The following ZNF451 variants were observed in gnomAD, a reference collection of about 807,000 sequenced individuals.
The protein encoded by ZNF451 is E3 SUMO-protein ligase ZNF451.
ZNF451 carries 80 observed loss-of-function variants against 107.1 expected under a neutral mutation model. That is an observed-to-expected ratio of 0.75 (90% CI 0.62 to 0.90). ZNF451 has a LOEUF of 0.90. ZNF451 is among the 40% of genes least tolerant of loss of function. The probability of loss-of-function intolerance (pLI) is 0.00; values close to 1 mark genes in which losing one functional copy is unlikely to be tolerated. For synonymous variants in ZNF451, 362 were observed against 406.5 expected (o/e 0.89, Z 1.32); for missense variants, 1,107 against 1,236.2 (o/e 0.90, Z 1.57).
At chr6:57,106,799 A>G (rs753485840) in intron 3 of ZNF451, 6 of 985,178 alleles carry the variant, frequency 6.1e-6, no homozygotes, top group African/African-American at 1.7e-5. Context: ...GTGGTTTATC[A>G]TAGTAGATAC....
chr6:57,155,792 C>T (rs2127984724), intron 13 of ZNF451, among the ~76,000 whole-genome samples: 1 of 150,082 alleles, frequency 6.7e-6, no homozygotes, highest in African/African-American at 2.4e-5. Flanking sequence ...TATGCCCTTC[C>T]AAATGACTCT....
intron 6 of ZNF451, 94 bp downstream of exon 6, chr6:57,133,286 G>T: frequency 2.4e-6 from 3 of 1,257,000 alleles, no homozygotes; most frequent in Non-Finnish European, 2.2e-6. Context: ...TTGCCATTAT[G>T]ATTATATAGC....
intron 13 of ZNF451, 76 bp downstream of exon 13, chr6:57,154,123 G>A (rs776187401): frequency 1.4e-6 from 2 of 1,410,274 alleles, no homozygotes; most frequent in East Asian, 4.6e-5. Context: ...ATAAACTGCT[G>A]TCCGCTAGTG....
chr6:57,138,180 G>C (rs1001091242), intron 7 of ZNF451, among the ~76,000 whole-genome samples: 5 of 151,750 alleles, frequency 3.3e-5, no homozygotes, highest in Non-Finnish European at 2.9e-5. Flanking sequence ...CTAGTGCACT[G>C]CACCATTTTA....
intron 3 of ZNF451, chr6:57,109,186 C>T (rs1353411746): frequency 5.1e-6 from 5 of 985,174 alleles, no homozygotes; most frequent in Admixed American, 1.2e-4. Flanking sequence ...ATTCTTGATT[C>T]GTAGTCATTG....
chr6:57,109,131 A>G lies in ZNF451; in HGVS notation c.186+9990A>G, dbSNP rs114006592. 136 of 985,370 alleles carry G rather than the reference A, an allele frequency of 1.4e-4. No individual in the cohort carries two copies. In the African/African-American group the frequency reaches 1.7e-3, roughly 13 times the overall value. 61.0% of individuals were successfully genotyped at this position (985,370 alleles called of 1,614,324 possible). ...TTTCACTTGTCACATCAGGAACCCT[A>G]TCCTCTTAGTTCTCCCATTGAGATT... is the stretch of plus-strand genomic sequence containing the variant. On this transcript the variant is annotated intron_variant, in intron 3 of 14. Transcript: ENST00000370706.
chr6:57,105,360 G>A, intron 3 of ZNF451: 1 of 984,122 alleles, frequency 1.0e-6, no homozygotes, highest in Non-Finnish European at 1.2e-6. Context: ...GTATAGAGAA[G>A]TACTGTTTCC....
chr6:57,161,245 C>A, intron 14 of ZNF451, 93 bp downstream of exon 14: 2 of 627,726 alleles, frequency 3.2e-6, no homozygotes, highest in East Asian at 3.0e-5. Context: ...CCCTCTTATT[C>A]CCTTCTACCC....
intron 13 of ZNF451, among the ~76,000 whole-genome samples, chr6:57,156,387 AG>A (rs1001687304): frequency 6.6e-6 from 1 of 152,188 alleles, no homozygotes; most frequent in Non-Finnish European, 1.5e-5. Flanking sequence ...GTTTCTATTA[AG>A]GAATGGTATT....
intron 5 of ZNF451, among the ~76,000 whole-genome samples, chr6:57,131,761 A>G (rs1366355076): frequency 6.6e-6 from 1 of 152,230 alleles, no homozygotes; most frequent in African/African-American, 2.4e-5. Context: ...TTCAATAAAG[A>G]TAAATATTTA....
At chr6:57,122,365 A>G (rs1300340503) in intron 3 of ZNF451, among the ~76,000 whole-genome samples, 2 of 152,254 alleles carry the variant, frequency 1.3e-5, no homozygotes, top group Non-Finnish European at 2.9e-5. Flanking sequence ...ACAAAATCAA[A>G]AATAGAAAAA....
intron 9 of ZNF451, among the ~76,000 whole-genome samples, chr6:57,142,808 C>T (rs1375441583): frequency 6.6e-6 from 1 of 152,170 alleles, no homozygotes; most frequent in Non-Finnish European, 1.5e-5. Flanking sequence ...TTCATTCCTA[C>T]AGGTAAGGTA....
intron 4 of ZNF451, among the ~76,000 whole-genome samples, chr6:57,128,520 G>T (rs920396245): frequency 6.6e-6 from 1 of 152,144 alleles, no homozygotes; most frequent in African/African-American, 2.4e-5. Flanking sequence ...TAGGGGTGTA[G>T]GTTGTAGTAA....
intron 3 of ZNF451, among the ~76,000 whole-genome samples, chr6:57,112,608 C>T (rs1830162270): frequency 6.6e-6 from 1 of 152,104 alleles, no homozygotes; most frequent in Non-Finnish European, 1.5e-5. Flanking sequence ...CTGGCTTTTT[C>T]AGTAGGCAGA....
At chr6:57,125,008 A>G (rs1830862959) in intron 4 of ZNF451, 149 bp downstream of exon 4, 1 of 399,620 alleles carries the variant, frequency 2.5e-6, no homozygotes. Context: ...AATTCATAAT[A>G]GCTTTTTACA....
chr6:57,151,537 T>G (rs72867062), intron 11 of ZNF451, among the ~76,000 whole-genome samples: 10,734 of 152,158 alleles, frequency 0.071, 509 homozygotes, highest in East Asian at 0.095. Context: ...AGATGTTTTG[T>G]TTTTGTTTTT....
chr6:57,135,347 C>G (rs1831378690), intron 7 of ZNF451, among the ~76,000 whole-genome samples: 1 of 152,090 alleles, frequency 6.6e-6, no homozygotes, highest in Non-Finnish European at 1.5e-5. Flanking sequence ...TGGATATGCA[C>G]ATCCATGTAA....
At chr6:57,158,058 C>T (rs1763513287) in intron 13 of ZNF451, among the ~76,000 whole-genome samples, 1 of 152,172 alleles carries the variant, frequency 6.6e-6, no homozygotes, top group Non-Finnish European at 1.5e-5. Context: ...TGTTGGATTA[C>T]CCCATTTTAT....
intron 7 of ZNF451, 45 bp downstream of exon 7, chr6:57,134,915 C>T (rs200752069): frequency 4.5e-6 from 7 of 1,543,720 alleles, no homozygotes; most frequent in Admixed American, 3.5e-5. Flanking sequence ...TCTAGATAGC[C>T]ATGGAGTTAA....
Sources: allele counts gnomAD v4.1 joint callset (sites outside exome capture counted in the v4.1 genomes callset), GRCh38; gene constraint gnomAD v4.1.1; transcripts MANE v1.5; gene names NCBI Gene and HGNC (gene_info 2026-07-23, HGNC 2026-07-21).